The following ADPGK variants were observed in gnomAD, a reference collection of about 807,000 sequenced individuals.
ADPGK encodes ADP dependent glucokinase.
ADPGK carries 26 observed loss-of-function variants against 42.4 expected under a neutral mutation model. That is an observed-to-expected ratio of 0.61 (90% CI 0.45 to 0.85). ADPGK has a LOEUF of 0.85. Among genes scored for constraint, ADPGK ranks in the 40% least tolerant of loss-of-function variants. The probability of loss-of-function intolerance (pLI) is 0.00; values close to 1 mark genes in which losing one functional copy is unlikely to be tolerated. For missense variants in ADPGK, 571 were observed against 627.0 expected (o/e 0.91, Z 0.95); for synonymous variants, 267 against 252.6 (o/e 1.06, Z -0.54).
chr15:72,760,527 C>T lies in ADPGK; in HGVS notation c.523G>A (p.Val175Ile). ...QKFAANSDLK[V>I]LLCGPVGPKL... Reference sequence around the variant, plus strand: ...GGACCAACTGGACCGCAAAGAAGAACCTGGAGGCAAGCAACACGAAGTCCA... The same window carrying T: ...GGACCAACTGGACCGCAAAGAAGAATCTGGAGGCAAGCAACACGAAGTCCA... Residue 175 changes from valine to isoleucine, a missense_variant and splice_region_variant, in exon 4 of 7, where the codon GTT becomes ATT. Coordinates refer to ENST00000456471, the MANE Select transcript of ADPGK (RefSeq NM_001365225.1). 1 of 1,597,704 alleles carries T rather than the reference C, an allele frequency of 6.3e-7. No individual in the cohort carries two copies. Among genetic ancestry groups the T allele is most frequent in the Non-Finnish European group, 8.6e-7 (1 of 1,167,206 alleles).
chr15:72,780,058 A>G (rs1251233941), intron 1 of ADPGK, among the ~76,000 whole-genome samples: 1 of 152,214 alleles, frequency 6.6e-6, no homozygotes, highest in African/African-American at 2.4e-5. Context: ...GGGCAAATAA[A>G]TCAATGTGAG....
intron 3 of ADPGK, among the ~76,000 whole-genome samples, chr15:72,765,730 G>C (rs988528081): frequency 1.3e-5 from 2 of 152,216 alleles, no homozygotes; most frequent in South Asian, 2.1e-4. Context: ...AAAACAGCCA[G>C]AGAACTAGAA....
At chr15:72,777,656 C>T (rs2066406284) in intron 1 of ADPGK, among the ~76,000 whole-genome samples, 1 of 151,796 alleles carries the variant, frequency 6.6e-6, no homozygotes, top group Non-Finnish European at 1.5e-5. Context: ...CCAGCCTGGG[C>T]AACAGAGCAA....
intron 6 of ADPGK, among the ~76,000 whole-genome samples, chr15:72,755,083 A>T (rs1044503166): frequency 2.6e-5 from 4 of 152,222 alleles, no homozygotes; most frequent in Admixed American, 6.5e-5. Context: ...CGTGAGTGCA[A>T]GGCTGGCATG....
At chr15:72,777,890 A>G (rs1208241711) in intron 1 of ADPGK, among the ~76,000 whole-genome samples, 1 of 152,118 alleles carries the variant, frequency 6.6e-6, no homozygotes, top group Non-Finnish European at 1.5e-5. Context: ...TCATACCAGG[A>G]ATACCGGGGG....
intron 6 of ADPGK, among the ~76,000 whole-genome samples, 163 bp from the exon 7 acceptor site, chr15:72,753,058 C>T (rs554610877): frequency 4.1e-4 from 62 of 152,314 alleles, no homozygotes; most frequent in African/African-American, 1.5e-3. Flanking sequence ...CTATCACACC[C>T]CTATCTTCAC....
chr15:72,762,654 G>A (rs1007275156), intron 3 of ADPGK, among the ~76,000 whole-genome samples: 4 of 152,160 alleles, frequency 2.6e-5, no homozygotes, highest in Non-Finnish European at 5.9e-5. Context: ...AACATTGTGT[G>A]AACATCAGAC....
intron 3 of ADPGK, among the ~76,000 whole-genome samples, chr15:72,762,119 C>T (rs553710633): frequency 6.6e-6 from 1 of 152,284 alleles, no homozygotes; most frequent in South Asian, 2.1e-4. Flanking sequence ...ATCCACCCGC[C>T]TTGGCCTCCC....
At chr15:72,776,087 CA>C (rs2066388879) in intron 1 of ADPGK, among the ~76,000 whole-genome samples, 1 of 152,118 alleles carries the variant, frequency 6.6e-6, no homozygotes, top group South Asian at 2.1e-4. Flanking sequence ...TAATATACAT[CA>C]GTGGCATCAT....
At chr15:72,754,235 AG>A (rs2151068495) in intron 6 of ADPGK, among the ~76,000 whole-genome samples, 1 of 152,236 alleles carries the variant, frequency 6.6e-6, no homozygotes, top group South Asian at 2.1e-4. Context: ...CAGATTCCAC[AG>A]GGCCAACTGC....
At position 72,774,920 on chromosome 15, in the gene ADPGK, T is replaced by C. The variant is rs1263128239; in HGVS notation, c.411A>G (p.Glu137=). The C allele has an allele frequency of 6.2e-7, 1 of 1,614,180 alleles. No individual in the cohort carries two copies. The highest frequency in any genetic ancestry group is 1.1e-5 in the South Asian group (1 of 91,086). ...AAAERFFSDK[E]TFHDIAQVAS... Reference sequence around the variant, plus strand: ...CAACCTGGGCAATGTCGTGAAAAGTTTCCTTATCACTGAAGAAGCGCTCAG... The same window carrying C: ...CAACCTGGGCAATGTCGTGAAAAGTCTCCTTATCACTGAAGAAGCGCTCAG... Residue 137 remains glutamate, a synonymous_variant, in exon 2 of 7, where the codon GAA becomes GAG. Coordinates refer to ENST00000456471, the MANE Select transcript of ADPGK (RefSeq NM_001365225.1).
chr15:72,753,021 T>TCCCTGG (rs1567444649), intron 6 of ADPGK, 126 bp from the exon 7 acceptor site: 4 of 916,988 alleles, frequency 4.4e-6, no homozygotes, highest in African/African-American at 1.7e-5. Flanking sequence ...GATACAGGAC[T>TCCCTGG]CCCTGGCCCT....
intron 1 of ADPGK, among the ~76,000 whole-genome samples, chr15:72,779,074 C>T (rs1385523808): frequency 3.9e-5 from 6 of 152,000 alleles, no homozygotes; most frequent in Non-Finnish European, 7.4e-5. Flanking sequence ...CTGAAACCCA[C>T]GTAGGAAGTA....
chr15:72,781,488 T>C (rs1220706166), intron 1 of ADPGK, among the ~76,000 whole-genome samples: 1 of 152,252 alleles, frequency 6.6e-6, no homozygotes, highest in African/African-American at 2.4e-5. Context: ...AAATCTCATT[T>C]ATTTAGTGTC....
At chr15:72,762,408 GTTAT>G (rs1267506136) in intron 3 of ADPGK, among the ~76,000 whole-genome samples, 3 of 152,132 alleles carry the variant, frequency 2.0e-5, no homozygotes, top group African/African-American at 7.2e-5. Flanking sequence ...GTACTTTCGT[GTTAT>G]TTAAGAAATC....
chr15:72,767,962 GA>G, intron 3 of ADPGK, among the ~76,000 whole-genome samples: 1 of 151,266 alleles, frequency 6.6e-6, no homozygotes, highest in African/African-American at 2.4e-5. Context: ...GAAAAACAGA[GA>G]AAAATAAATT....
At chr15:72,761,209 C>G (rs566353044) in intron 3 of ADPGK, among the ~76,000 whole-genome samples, 1 of 152,336 alleles carries the variant, frequency 6.6e-6, no homozygotes, top group African/African-American at 2.4e-5. Flanking sequence ...GCAGCCAAAG[C>G]AGACCCTACC....
intron 1 of ADPGK, among the ~76,000 whole-genome samples, chr15:72,779,827 T>C (rs1222274407): frequency 6.6e-6 from 1 of 152,212 alleles, no homozygotes; most frequent in Non-Finnish European, 1.5e-5. Context: ...AATATATTCC[T>C]AAAAACCAGC....
In ADPGK at chr15:72,783,682, A is replaced by T; in HGVS notation, c.10T>A (p.Trp4Arg). The change falls in exon 1 of 7, where the codon TGG (tryptophan) becomes AGG (arginine). Residue 4 changes from tryptophan to arginine, a missense_variant. Trp to Arg is a moderately radical substitution (Grantham distance 101). Transcript: ENST00000456471. ...AAGCCCGCGTACGCGGAGCCGCGCC[A>T]CAGCGCCATGGGGACCCAGGCGCCG... MALWRGSAYAGFLA... is the reference protein window; with the variant it reads MALRRGSAYAGFLA... The T allele has an allele frequency of 6.7e-7, 1 of 1,496,832 alleles. No homozygotes were observed. Among genetic ancestry groups the T allele is most frequent in the Non-Finnish European group, 8.9e-7 (1 of 1,129,896 alleles). The allele number at this position is 1,496,832 out of a possible 1,614,324, so 92.7% of individuals were successfully genotyped here. A position where few individuals can be genotyped will look rare whatever the true frequency, so the allele number is the denominator to read the frequency against.
Sources: gnomAD v4.1 joint callset for allele counts (sites outside exome capture counted in the v4.1 genomes callset) on GRCh38, gnomAD v4.1.1 for gene constraint, MANE v1.5 for transcripts, NCBI Gene and HGNC (gene_info 2026-07-23, HGNC 2026-07-21) for gene names.